Variants in KIAA1217 observed in about 807,000 individuals in gnomAD.
The protein encoded by KIAA1217 is sickle tail protein homolog.
In KIAA1217, 88 loss-of-function variants were observed where a neutral mutation model predicts 163.9. The ratio of observed to expected loss-of-function variants is 0.54; its 90% CI spans 0.45 to 0.64. The LOEUF (loss-of-function observed/expected upper bound fraction) is 0.64. Ranked by LOEUF, KIAA1217 falls within the 30% of genes least tolerant of loss-of-function variation. The pLI is 0.00. For missense variants in KIAA1217, 2,372 were observed against 2,475.0 expected (o/e 0.96, Z 0.88); for synonymous variants, 903 against 923.1 (o/e 0.98, Z 0.39).
chr10:24,311,710 G>A (rs748775182), intron 2 of KIAA1217, among the ~76,000 whole-genome samples: 2 of 152,164 alleles, frequency 1.3e-5, no homozygotes, highest in Non-Finnish European at 2.9e-5. Flanking sequence ...TGTATCTCAC[G>A]AGGGTCAGGG....
At chr10:23,728,203 T>C (rs1838278128) in intron 1 of KIAA1217, among the ~76,000 whole-genome samples, 1 of 152,216 alleles carries the variant, frequency 6.6e-6, no homozygotes, top group South Asian at 2.1e-4. Context: ...GTGGCTCAAA[T>C]GGTATTTTTC....
intron 2 of KIAA1217, among the ~76,000 whole-genome samples, chr10:24,299,492 T>C (rs1189070373): frequency 6.6e-6 from 1 of 152,126 alleles, no homozygotes; most frequent in Non-Finnish European, 1.5e-5. Flanking sequence ...TTGACCTCCC[T>C]GGCTCAAACA....
At chr10:23,872,604 T>C (rs532734902) in intron 1 of KIAA1217, among the ~76,000 whole-genome samples, 1 of 152,104 alleles carries the variant, frequency 6.6e-6, no homozygotes, top group African/African-American at 2.4e-5. Context: ...TGTTTTTTTT[T>C]ATTTGCTTCT....
chr10:24,267,625 A>T (rs1470961960), intron 2 of KIAA1217, among the ~76,000 whole-genome samples: 2 of 152,302 alleles, frequency 1.3e-5, no homozygotes, highest in South Asian at 4.1e-4. Context: ...AAGAAGGGAT[A>T]TTTGAGTTGA....
At chr10:24,414,743 A>T (rs994855516) in intron 3 of KIAA1217, among the ~76,000 whole-genome samples, 5 of 152,184 alleles carry the variant, frequency 3.3e-5, no homozygotes, top group Admixed American at 6.5e-5. Context: ...GAGCTGTTCA[A>T]ATGGGGCCCT....
chr10:23,964,407 T>A (rs1564570198), intron 1 of KIAA1217, among the ~76,000 whole-genome samples: 3 of 151,892 alleles, frequency 2.0e-5, no homozygotes, highest in South Asian at 4.2e-4. Flanking sequence ...GCGTGTTCAC[T>A]CTGCTGATAG....
chr10:24,181,718 T>C (rs2066179064), intron 2 of KIAA1217, among the ~76,000 whole-genome samples: 1 of 152,212 alleles, frequency 6.6e-6, no homozygotes, highest in African/African-American at 2.4e-5. Flanking sequence ...GGTAGTAGGA[T>C]GGATTCAAAT....
chr10:23,974,049 T>C (rs1336933804), intron 1 of KIAA1217, among the ~76,000 whole-genome samples: 9 of 152,328 alleles, frequency 5.9e-5, no homozygotes, highest in Non-Finnish European at 7.4e-5. Flanking sequence ...AAAAGAAAGA[T>C]GCATTTGTAT....
intron 1 of KIAA1217, among the ~76,000 whole-genome samples, chr10:23,818,936 C>A (rs1297356874): frequency 2.0e-5 from 3 of 152,138 alleles, no homozygotes; most frequent in African/African-American, 7.2e-5. Flanking sequence ...ATAATGATCA[C>A]ATCTTAATAA....
At chr10:24,008,106 T>A (rs1337414167) in intron 2 of KIAA1217, among the ~76,000 whole-genome samples, 1 of 152,132 alleles carries the variant, frequency 6.6e-6, no homozygotes, top group East Asian at 1.9e-4. Context: ...CCCTCAACAT[T>A]CTGCCTGCAA....
intron 1 of KIAA1217, among the ~76,000 whole-genome samples, chr10:23,974,694 C>G (rs1341161955): frequency 6.6e-6 from 1 of 152,082 alleles, no homozygotes; most frequent in Non-Finnish European, 1.5e-5. Context: ...GCCTGCTCAG[C>G]TCATATTATA....
At chr10:24,051,608 C>T (rs886810409) in intron 2 of KIAA1217, among the ~76,000 whole-genome samples, 29 of 152,122 alleles carry the variant, frequency 1.9e-4, no homozygotes, top group Admixed American at 1.4e-3. Context: ...ACCCCATCAA[C>T]GCCAACATCT....
chr10:24,076,710 C>T (rs941938756), intron 2 of KIAA1217, among the ~76,000 whole-genome samples: 3 of 152,004 alleles, frequency 2.0e-5, no homozygotes, highest in Non-Finnish European at 4.4e-5. Flanking sequence ...TCTGTCCTAA[C>T]CAATAAAATA....
intron 1 of KIAA1217, among the ~76,000 whole-genome samples, chr10:23,697,087 C>G (rs1352372211): frequency 6.6e-6 from 1 of 152,126 alleles, no homozygotes; most frequent in East Asian, 1.9e-4. Flanking sequence ...CACCCATCTC[C>G]GTTCTCTATG....
At chr10:24,375,852 C>G (rs1426576861) in intron 2 of KIAA1217, among the ~76,000 whole-genome samples, 1 of 152,196 alleles carries the variant, frequency 6.6e-6, no homozygotes, top group Non-Finnish European at 1.5e-5. Context: ...CCCCACTGTT[C>G]CTGGCAATTA....
chr10:23,763,857 C>CA (rs1337573423), intron 1 of KIAA1217, among the ~76,000 whole-genome samples: 1 of 151,510 alleles, frequency 6.6e-6, no homozygotes, highest in East Asian at 1.9e-4. Context: ...ATTTGGCTTC[C>CA]AAAAAAACCC....
At chr10:24,041,563 T>C (rs1268057911) in intron 2 of KIAA1217, among the ~76,000 whole-genome samples, 1 of 152,058 alleles carries the variant, frequency 6.6e-6, no homozygotes, top group African/African-American at 2.4e-5. Flanking sequence ...CCATAACACA[T>C]CACACAGACA....
chr10:23,886,588 G>A (rs923551902), intron 1 of KIAA1217, among the ~76,000 whole-genome samples: 2 of 151,858 alleles, frequency 1.3e-5, no homozygotes, highest in African/African-American at 2.4e-5. Flanking sequence ...GAGAGAAATC[G>A]TATTCACCCA....
At chr10:23,855,110 C>T (rs773692538) in intron 1 of KIAA1217, among the ~76,000 whole-genome samples, 51 of 152,106 alleles carry the variant, frequency 3.4e-4, no homozygotes, top group Admixed American at 1.1e-3. Flanking sequence ...TTCCTAGCCT[C>T]GATGGTCTTT....
Sources: allele counts gnomAD v4.1 joint callset (sites outside exome capture counted in the v4.1 genomes callset), GRCh38; gene constraint gnomAD v4.1.1; transcripts MANE v1.5; gene names NCBI Gene and HGNC (gene_info 2026-07-23, HGNC 2026-07-21).